The following ERCC6 variants were observed in gnomAD, a reference collection of about 807,000 sequenced individuals.
The protein encoded by ERCC6 is DNA excision repair protein ERCC-6.
In ERCC6, 116 loss-of-function variants were observed where a neutral mutation model predicts 158.7. The observed-to-expected ratio is 0.73, with a 90% CI of 0.63 to 0.85. The LOEUF (loss-of-function observed/expected upper bound fraction) is 0.85. Among genes scored for constraint, ERCC6 ranks in the 40% least tolerant of loss-of-function variants. The pLI, the probability that ERCC6 is intolerant of heterozygous loss-of-function variation, is 0.00. For missense variants in ERCC6, 1,698 were observed against 1,799.4 expected (o/e 0.94, Z 1.02); for synonymous variants, 678 against 659.3 (o/e 1.03, Z -0.43).
rs1323131223 is a variant in ERCC6 at position 49,458,766 on chromosome 10, G to A, written c.*49C>T. The A allele has an allele frequency of 1.6e-5, 25 of 1,568,984 alleles. No homozygotes were observed. Among genetic ancestry groups the A allele is most frequent in the Non-Finnish European group, 2.2e-5 (25 of 1,139,380 alleles). ...ATTATTAATAATAAATTAATAATCAGAAATGCCCGTTAGAAAAAGGGACTT... is the reference window on the plus strand; with the variant it reads ...ATTATTAATAATAAATTAATAATCAAAAATGCCCGTTAGAAAAAGGGACTT... On this transcript the variant is annotated 3_prime_UTR_variant, in exon 21 of 21. Transcript: ENST00000355832.
chr10:49,526,148 T>C (rs1384079970), intron 4 of ERCC6, among the ~76,000 whole-genome samples: 1 of 77,016 alleles, frequency 1.3e-5, no homozygotes, highest in African/African-American at 3.8e-5. Context: ...TATATATATA[T>C]ATATATATAT....
chr10:49,508,013 G>A (rs1400808645), intron 5 of ERCC6, among the ~76,000 whole-genome samples: 1 of 151,410 alleles, frequency 6.6e-6, no homozygotes, highest in East Asian at 1.9e-4. Context: ...TACTCACTCT[G>A]AAATTCAGCA....
chr10:49,509,812 T>C (rs1851503900), intron 5 of ERCC6, among the ~76,000 whole-genome samples: 1 of 152,182 alleles, frequency 6.6e-6, no homozygotes, highest in African/African-American at 2.4e-5. Context: ...TATTTACCCT[T>C]TTAGAAAACA....
Position 49,536,144 on chromosome 10 carries a change from G to A in ERCC6, c.-15+2818C>T, listed in dbSNP as rs115975145. Among the ~76,000 whole-genome samples the A allele has an allele frequency of 1.8e-3, 270 of 152,232 alleles. 3 individuals are homozygous for A. The highest frequency in any genetic ancestry group is 1.5e-3 in the East Asian group (8 of 5,190). On this transcript the variant is annotated intron_variant, in intron 1 of 20. Transcript: ENST00000355832. Reference sequence around the variant, plus strand: ...AAAAATAAAAAAGTTTCAGTGGAGCGATAGGGCCAAAAACCAGACTGTAGT... The same window carrying A: ...AAAAATAAAAAAGTTTCAGTGGAGCAATAGGGCCAAAAACCAGACTGTAGT...
downstream of ERCC6, among the ~76,000 whole-genome samples, chr10:49,452,869 CT>C (rs1489059051): frequency 6.6e-6 from 1 of 152,120 alleles, no homozygotes; most frequent in Non-Finnish European, 1.5e-5. Context: ...TTGTCTGACA[CT>C]AGTATAGCCA....
chr10:49,532,659 C>G lies in ERCC6; in HGVS notation c.306G>C (p.Gln102His). The G allele has an allele frequency of 6.2e-7, 1 of 1,614,212 alleles. No individual in the cohort carries two copies. Among genetic ancestry groups the G allele is most frequent in the Middle Eastern group, 1.6e-4 (1 of 6,062 alleles). Reference protein sequence around the residue: ...LQGLGVDVYDQDVLEQGVLQQ... With the variant: ...LQGLGVDVYDHDVLEQGVLQQ... ...GAAGCACTCCCTGTTCCAGCACGTC[C>G]TGGTCATAGACGTCCACACCCAAAC... The change falls in exon 2 of 21, where the codon CAG becomes CAC. Residue 102 changes from glutamine (Q) to histidine (H), a missense_variant. Transcript: ENST00000355832.
intron 18 of ERCC6, 111 bp downstream of exon 18, chr10:49,470,071 T>A: frequency 1.0e-6 from 1 of 954,682 alleles, no homozygotes; most frequent in Non-Finnish European, 1.7e-6. Context: ...AGAAAAACAC[T>A]AATGGCTGAC....
chr10:49,461,759 C>A (rs1030851941), intron 18 of ERCC6, among the ~76,000 whole-genome samples: 3 of 152,090 alleles, frequency 2.0e-5, no homozygotes, highest in African/African-American at 7.2e-5. Flanking sequence ...AACCTATAAC[C>A]TTCCTATTTA....
intron 5 of ERCC6, among the ~76,000 whole-genome samples, chr10:49,509,987 G>T (rs1851506853): frequency 6.6e-6 from 1 of 152,124 alleles, no homozygotes. Context: ...TCCACTGGCA[G>T]CCAATTACAA....
chr10:49,462,051 C>T (rs1323886551), intron 18 of ERCC6, among the ~76,000 whole-genome samples: 1 of 152,168 alleles, frequency 6.6e-6, no homozygotes, highest in African/African-American at 2.4e-5. Context: ...CAAACTGACA[C>T]TAAAGTTCAT....
At chr10:49,474,363 T>A in intron 12 of ERCC6, 121 bp from the exon 13 acceptor site, 1 of 747,926 alleles carries the variant, frequency 1.3e-6, no homozygotes, top group East Asian at 2.6e-5. Flanking sequence ...AGCTTCTTAG[T>A]TTCTTCTCTA....
the ERCC6 span, among the ~76,000 whole-genome samples, chr10:49,444,377 T>C: frequency 3.3e-5 from 5 of 152,026 alleles, no homozygotes; most frequent in Non-Finnish European, 5.9e-5. Context: ...CTCAAATATA[T>C]CAAACATAGC....
In ERCC6 at chr10:49,505,893, T is replaced by G; in HGVS notation, c.1517A>C (p.Lys506Thr). ...GFKVPGFLFK[K>T]LFKYQQTGVR... Reference sequence around the variant, plus strand: ...AACATATGGTACATACTTAAAAAGCTTTTTGAACAGAAAACCTGGCACTTT... The same window carrying G: ...AACATATGGTACATACTTAAAAAGCGTTTTGAACAGAAAACCTGGCACTTT... The change falls in exon 6 of 21, where the codon AAG (lysine) becomes ACG (threonine). Residue 506 changes from lysine to threonine, a missense_variant. By Grantham distance (78) the Lys-to-Thr change is moderately conservative. Transcript: ENST00000355832. The G allele has an allele frequency of 6.2e-7, 1 of 1,613,228 alleles. No homozygotes were observed. The highest frequency in any genetic ancestry group is 8.5e-7 in the Non-Finnish European group (1 of 1,179,458).
downstream of ERCC6, among the ~76,000 whole-genome samples, chr10:49,450,891 A>G (rs1343485282): frequency 6.6e-6 from 1 of 151,924 alleles, no homozygotes; most frequent in Non-Finnish European, 1.5e-5. Flanking sequence ...GGCTCACTGC[A>G]AGCTCCGCCT....
At chr10:49,483,086 ATAGAT>A (rs1174256077) in intron 9 of ERCC6, among the ~76,000 whole-genome samples, 2 of 152,200 alleles carry the variant, frequency 1.3e-5, no homozygotes, top group Non-Finnish European at 2.9e-5. Context: ...GCTGAATACT[ATAGAT>A]TAGAGTTGGG....
the ERCC6 span, among the ~76,000 whole-genome samples, chr10:49,448,086 T>A: frequency 5.3e-5 from 8 of 152,240 alleles, no homozygotes; most frequent in Non-Finnish European, 1.0e-4. Context: ...ATGGTAATTG[T>A]ATGTTTAACT....
intron 5 of ERCC6, chr10:49,517,174 G>A (rs1342876023): frequency 7.3e-6 from 11 of 1,505,898 alleles, no homozygotes; most frequent in Non-Finnish European, 8.9e-6. Flanking sequence ...TTTGCCTAGT[G>A]TTCCAAAAAT....
At chr10:49,518,226 A>C (rs1230418891) in intron 5 of ERCC6, among the ~76,000 whole-genome samples, 1 of 152,218 alleles carries the variant, frequency 6.6e-6, no homozygotes, top group Non-Finnish European at 1.5e-5. Flanking sequence ...GCATTTCAGG[A>C]TAGGAATGGG....
At chr10:49,470,145 C>A in intron 18 of ERCC6, 37 bp downstream of exon 18, 1 of 1,587,708 alleles carries the variant, frequency 6.3e-7, no homozygotes, top group Non-Finnish European at 8.7e-7. Context: ...ATTTTCTAAT[C>A]CTAGCATCCC....
Sources: allele counts gnomAD v4.1 joint callset (sites outside exome capture counted in the v4.1 genomes callset), GRCh38; gene constraint gnomAD v4.1.1; transcripts MANE v1.5; gene names NCBI Gene and HGNC (gene_info 2026-07-23, HGNC 2026-07-21).